The following MBTPS1 variants were observed in gnomAD, a reference collection of about 807,000 sequenced individuals.
MBTPS1 encodes membrane bound transcription factor peptidase, site 1.
MBTPS1 carries 94 observed loss-of-function variants against 127.8 expected under a neutral mutation model. The ratio of observed to expected loss-of-function variants is 0.74; its 90% CI spans 0.62 to 0.87. MBTPS1 has a LOEUF of 0.87. Ranked by LOEUF, MBTPS1 falls within the 40% of genes least tolerant of loss-of-function variation. MBTPS1 has a pLI of 0.00. For missense variants in MBTPS1, 1,636 were observed against 1,353.2 expected (o/e 1.21, Z -3.28); for synonymous variants, 632 against 509.4 (o/e 1.24, Z -3.24).
In MBTPS1 at chr16:84,099,357, T is replaced by A. The variant is rs553684146; in HGVS notation, c.164-47A>T. 1.9e-6 allele frequency: 3 copies of A among 1,576,512 alleles called. No homozygotes were observed. The African/African-American group carries it at 4.1e-5, about 21-fold the overall frequency. On this transcript the variant is annotated intron_variant, in intron 2 of 22. Transcript: ENST00000343411. ...AAAAATAAGATTTACGCACATACAT[T>A]ATAACATATACTATATTGTATCTAA... is the stretch of plus-strand genomic sequence containing the variant.
In MBTPS1 at chr16:84,114,599, C is replaced by G. The variant is rs371703184; in HGVS notation, c.-325+2136G>C. On this transcript the variant is annotated intron_variant, in intron 1 of 22. Coordinates refer to ENST00000343411, the MANE Select transcript of MBTPS1 (RefSeq NM_003791.4). ...TAATCCCAGCACTTTGGGAGGCCGA[C>G]GCGGGCGGATCATGAGGTCAAGGAG... is the stretch of plus-strand genomic sequence containing the variant. Among the ~76,000 whole-genome samples, 140 of 151,822 alleles carry G rather than the reference C, an allele frequency of 9.2e-4. 4 individuals are homozygous for G. In the South Asian group the frequency reaches 0.027, roughly 29 times the overall value.
intron 11 of MBTPS1, among the ~76,000 whole-genome samples, chr16:84,079,595 G>A (rs1266423609): frequency 6.6e-6 from 1 of 152,214 alleles, no homozygotes; most frequent in Non-Finnish European, 1.5e-5. Context: ...AAGCTGCTCA[G>A]TACGTATACA....
At chr16:84,099,488 A>T (rs894376749) in intron 2 of MBTPS1, among the ~76,000 whole-genome samples, 178 bp from the exon 3 acceptor site, 1 of 152,204 alleles carries the variant, frequency 6.6e-6, no homozygotes. Flanking sequence ...GCTTTGAGGA[A>T]AAATGATCTA....
chr16:84,092,819 T>G (rs1028051060), intron 6 of MBTPS1, among the ~76,000 whole-genome samples: 4 of 152,156 alleles, frequency 2.6e-5, no homozygotes. Context: ...AGGAACCCAA[T>G]CAGGGAGGCA....
rs143902156 is a variant in MBTPS1 at position 84,070,630 on chromosome 16, C to G, written c.1740G>C (p.Gln580His). ...KKAASWEGIA[Q>H]GHVMITVASP... The stretch of plus-strand genomic sequence containing the variant: ...AAGCCACAGTGATCATGACATGGCC[C>G]TGAGCAATGCCTTCCCAGGAAGCCG... Residue 580 changes from glutamine to histidine, a missense_variant, in exon 13 of 23, where the codon CAG becomes CAC. Gln to His is a conservative substitution (Grantham distance 24). Transcript: ENST00000343411. The G allele has an allele frequency of 6.2e-7, 1 of 1,613,278 alleles. No individual in the cohort carries two copies. The highest frequency in any genetic ancestry group is 1.3e-5 in the African/African-American group (1 of 74,898).
intron 1 of MBTPS1, among the ~76,000 whole-genome samples, chr16:84,112,192 T>C (rs537154263): frequency 4.6e-5 from 7 of 151,270 alleles, no homozygotes; most frequent in Non-Finnish European, 1.0e-4. Flanking sequence ...ATGGAGAGAC[T>C]GTCTCAAATG....
Position 84,067,745 on chromosome 16 carries a change from C to T in MBTPS1, c.2150G>A (p.Gly717Asp), listed in dbSNP as rs762117285. ...GTCACTGAAGATGACGAGCGAGAGG[C>T]CGTTGTCCACGTCCCTCCGGAGCTT... ...IAKLRRDVDN[G>D]LSLVIFSDWY... Residue 717 changes from glycine (G) to aspartate (D), a missense_variant, in exon 16 of 23, where the codon GGC becomes GAC. Gly to Asp is a moderately conservative substitution (Grantham distance 94). Coordinates refer to ENST00000343411, the MANE Select transcript of MBTPS1 (RefSeq NM_003791.4). 2 of 1,613,974 alleles carry T rather than the reference C, an allele frequency of 1.2e-6. No homozygotes were observed. Among genetic ancestry groups the T allele is most frequent in the Admixed American group, 1.7e-5 (1 of 60,022 alleles).
intron 11 of MBTPS1, among the ~76,000 whole-genome samples, chr16:84,078,088 C>T (rs532064667): frequency 6.8e-5 from 10 of 146,934 alleles, no homozygotes; most frequent in Admixed American, 6.3e-4. Context: ...TTTGGGGAAA[C>T]CGGCACTCAC....
At chr16:84,106,993 C>A (rs1002441504) in intron 1 of MBTPS1, among the ~76,000 whole-genome samples, 4 of 152,172 alleles carry the variant, frequency 2.6e-5, no homozygotes, top group Non-Finnish European at 5.9e-5. Flanking sequence ...AGCAGGAAAG[C>A]TGACTTGGGA....
chr16:84,072,333 TA>T (rs2085782114), intron 12 of MBTPS1, among the ~76,000 whole-genome samples: 1 of 151,942 alleles, frequency 6.6e-6, no homozygotes, highest in Non-Finnish European at 1.5e-5. Flanking sequence ...GAGTGGCTGA[TA>T]ATGGGTATAA....
intron 12 of MBTPS1, among the ~76,000 whole-genome samples, chr16:84,071,439 G>C (rs903604671): frequency 1.3e-5 from 2 of 152,090 alleles, no homozygotes; most frequent in Non-Finnish European, 2.9e-5. Context: ...TAAGCCAGTG[G>C]GTTAAGAAAA....
intron 18 of MBTPS1, 49 bp downstream of exon 18, chr16:84,065,641 G>A (rs558020886): frequency 1.1e-5 from 13 of 1,201,784 alleles, no homozygotes; most frequent in Non-Finnish European, 1.6e-5. Flanking sequence ...CGGGGGAAAA[G>A]GGAGCGAGAG....
intron 8 of MBTPS1, among the ~76,000 whole-genome samples, chr16:84,090,624 G>A (rs373062946): frequency 2.0e-5 from 3 of 152,282 alleles, no homozygotes; most frequent in African/African-American, 7.2e-5. Flanking sequence ...ATTACTATTT[G>A]TAACAAAATT....
Position 84,090,942 on chromosome 16 carries a change from C to T in MBTPS1, c.964G>A (p.Val322Met). The change falls in exon 8 of 23, where the codon GTG becomes ATG. Residue 322 changes from valine (V) to methionine (M), a missense_variant and splice_region_variant. Physicochemically the swap from Val to Met is conservative, Grantham distance 21. Coordinates refer to ENST00000343411, the MANE Select transcript of MBTPS1 (RefSeq NM_003791.4). ...DFMDHPFVDK[V>M]WELTANNVIM... ...ACATTGTTAGCTGTTAATTCCCACACCTACAAAAGGAGCATTTATTTAATG... is the reference window on the plus strand; with the variant it reads ...ACATTGTTAGCTGTTAATTCCCACATCTACAAAAGGAGCATTTATTTAATG... The T allele has an allele frequency of 2.5e-6, 4 of 1,606,636 alleles. No individual in the cohort carries two copies. The highest frequency in any genetic ancestry group is 3.4e-6 in the Non-Finnish European group (4 of 1,174,364).
intron 11 of MBTPS1, among the ~76,000 whole-genome samples, chr16:84,076,962 A>G (rs1194264877): frequency 6.6e-6 from 1 of 152,198 alleles, no homozygotes; most frequent in Non-Finnish European, 1.5e-5. Flanking sequence ...GAAGTGACTC[A>G]CGCGTGTCAT....
intron 1 of MBTPS1, among the ~76,000 whole-genome samples, chr16:84,113,107 T>C (rs1307888049): frequency 2.0e-5 from 3 of 152,194 alleles, no homozygotes; most frequent in Non-Finnish European, 4.4e-5. Context: ...CTCCTACAAA[T>C]TGTTCTCAAA....
intron 5 of MBTPS1, 113 bp from the exon 6 acceptor site, chr16:84,093,410 G>A (rs1303838669): frequency 1.3e-6 from 1 of 748,964 alleles, no homozygotes; most frequent in Non-Finnish European, 2.3e-6. Context: ...CTGGATAGAG[G>A]AGGGCCTCTG....
At chr16:84,108,576 C>A (rs1361017425) in intron 1 of MBTPS1, among the ~76,000 whole-genome samples, 1 of 152,222 alleles carries the variant, frequency 6.6e-6, no homozygotes, top group Non-Finnish European at 1.5e-5. Flanking sequence ...CCAAGAAAAG[C>A]ACTTTCTAAA....
intron 6 of MBTPS1, 31 bp downstream of exon 6, chr16:84,093,157 C>T: frequency 1.4e-6 from 2 of 1,395,444 alleles, no homozygotes; most frequent in Non-Finnish European, 2.0e-6. Flanking sequence ...GTATGAATTC[C>T]TCAAGTTTCA....
Sources: gnomAD v4.1 joint callset for allele counts (sites outside exome capture counted in the v4.1 genomes callset) on GRCh38, gnomAD v4.1.1 for gene constraint, MANE v1.5 for transcripts, NCBI Gene and HGNC (gene_info 2026-07-23, HGNC 2026-07-21) for gene names.